AGAP3: variants seen among roughly 807,000 people sequenced by gnomAD.
The protein encoded by AGAP3 is ArfGAP with GTPase domain, ankyrin repeat and PH domain 3.
AGAP3 carries 24 observed loss-of-function variants against 96.9 expected under a neutral mutation model. That is an observed-to-expected ratio of 0.25 (90% CI 0.18 to 0.35). The LOEUF is 0.35. Among genes scored for constraint, AGAP3 ranks in the 10% least tolerant of loss-of-function variants. The pLI, the probability that AGAP3 is intolerant of heterozygous loss-of-function variation, is 1.00. For missense variants in AGAP3, 876 were observed against 1,254.2 expected, an observed-to-expected ratio of 0.70 and a Z score of 4.55; for synonymous variants, 563 against 536.1, an observed-to-expected ratio of 1.05 and a Z score of -0.69.
At chr7:151,119,940 C>CGG (rs1799791307) in intron 7 of AGAP3, 47 bp from the exon 8 acceptor site, 5 of 1,601,124 alleles carry the variant, frequency 3.1e-6, no homozygotes, top group Non-Finnish European at 4.3e-6. Flanking sequence ...TGGTGCCCGT[C>CGG]CCGCCCCTGA....
chr7:151,087,282 T>C, intron 1 of AGAP3: 1 of 603,206 alleles, frequency 1.7e-6, no homozygotes, highest in South Asian at 1.9e-5. Context: ...TTGGGGGTTT[T>C]CTGCTGACTG....
rs1021932096 is a variant in AGAP3, at chr7:151,126,035, G to C, written c.1221+2149G>C. 5.6e-5 allele frequency among the ~76,000 whole-genome samples: 7 copies of C among 125,710 alleles called. No individual in the cohort carries two copies. The South Asian group carries it at 1.5e-3, about 28-fold the overall frequency. 82.5% of individuals were successfully genotyped at this position (125,710 alleles called of 152,430 possible). Reference sequence around the variant, plus strand: ...GGGCTAGGCGGGTTTCCTCCTGTCCGCTTCCCGGGAGCGGGCGGGTGGGTG... The same window carrying C: ...GGGCTAGGCGGGTTTCCTCCTGTCCCCTTCCCGGGAGCGGGCGGGTGGGTG... On this transcript the variant is annotated intron_variant, in intron 9 of 17. Coordinates refer to ENST00000397238, the MANE Select transcript of AGAP3 (RefSeq NM_031946.7).
At chr7:151,123,413 C>T (rs1183598301) in intron 8 of AGAP3, 1 of 1,090,160 alleles carries the variant, frequency 9.2e-7, no homozygotes. Context: ...GGCCATCTGC[C>T]CGCTCACTTG....
At chr7:151,113,549 A>C (rs1487425717) in intron 1 of AGAP3, among the ~76,000 whole-genome samples, 1 of 152,190 alleles carries the variant, frequency 6.6e-6, no homozygotes, top group Non-Finnish European at 1.5e-5. Context: ...TAAAGCTGAA[A>C]GGGACGCTGG....
chr7:151,092,130 G>A lies in AGAP3; in HGVS notation c.331+5058G>A, dbSNP rs189922044. On this transcript the variant is annotated intron_variant, in intron 1 of 17. Coordinates refer to ENST00000397238, the MANE Select transcript of AGAP3 (RefSeq NM_031946.7). ...GTGCGTCATTCTGCGAAAGATGGGCGTCACAAGCGTTTAAGCCTTTGAGAA... is the reference window on the plus strand; with the variant it reads ...GTGCGTCATTCTGCGAAAGATGGGCATCACAAGCGTTTAAGCCTTTGAGAA... Among the ~76,000 whole-genome samples, 5 of 152,282 alleles carry A rather than the reference G, an allele frequency of 3.3e-5. No individual in the cohort carries two copies. In the East Asian group the frequency reaches 5.8e-4, roughly 18 times the overall value.
rs1401023993 is a variant in AGAP3, at chr7:151,143,288, C to T, written c.2274-53C>T. 14 of 1,554,144 alleles carry T rather than the reference C, an allele frequency of 9.0e-6. No individual in the cohort carries two copies. The highest frequency in any genetic ancestry group is 6.8e-5 in the East Asian group (3 of 44,242). On this transcript the variant is annotated intron_variant, in intron 16 of 17. Transcript: ENST00000397238. This position sits in a 1 kb window ranked among gnomAD's most constrained non-coding sequence, Gnocchi z 5.9. ...TTCCTGCCCACCTTCCTGGCCCCAC[C>T]CGTTGCTCGGTGACCTTCCTTGGCT... is the stretch of plus-strand genomic sequence containing the variant.
intron 1 of AGAP3, among the ~76,000 whole-genome samples, chr7:151,112,765 A>AT (rs1306515722): frequency 6.6e-6 from 1 of 151,714 alleles, no homozygotes; most frequent in African/African-American, 2.4e-5. Flanking sequence ...TGCCTGGCTA[A>AT]TTTTTCATAT....
rs2150470049 is a variant in AGAP3 at position 151,117,710 on chromosome 7, C to T, written c.639C>T (p.Asn213=). ...EDEISFQTVY[N]YFLRLCSFRN... is the part of the protein sequence containing the mutation. Reference sequence around the variant, plus strand: ...AAATCAGTTTCCAGACGGTGTACAACTACTTCCTGCGTCTCTGCAGCTTCC... The same window carrying T: ...AAATCAGTTTCCAGACGGTGTACAATTACTTCCTGCGTCTCTGCAGCTTCC... The change falls in exon 5 of 18, where the codon AAC becomes AAT. Residue 213 remains asparagine (N), a synonymous_variant. Transcript: ENST00000397238. 6.2e-7 allele frequency: 1 copy of T among 1,614,232 alleles called. No individual in the cohort carries two copies. Among genetic ancestry groups the T allele is most frequent in the Non-Finnish European group, 8.5e-7 (1 of 1,180,020 alleles).
intron 2 of AGAP3, 99 bp downstream of exon 2, chr7:151,116,950 C>G: frequency 6.5e-7 from 1 of 1,540,908 alleles, no homozygotes; most frequent in Admixed American, 1.7e-5. Flanking sequence ...CTGTCCCCTT[C>G]TCTGCTCAGC....
chr7:151,115,098 C>G (rs2150456784), intron 1 of AGAP3: 2 of 1,028,358 alleles, frequency 1.9e-6, no homozygotes, highest in Admixed American at 5.8e-5. Context: ...CGCGCCGACC[C>G]GGCGCAGCCG....
intron 9 of AGAP3, among the ~76,000 whole-genome samples, chr7:151,124,885 G>A (rs902383003): frequency 1.3e-5 from 2 of 152,216 alleles, no homozygotes; most frequent in Admixed American, 6.5e-5. Context: ...GCCGTGATCC[G>A]TATTGTTTCC....
chr7:151,136,808 G>C (rs147743504), intron 11 of AGAP3, among the ~76,000 whole-genome samples: 275 of 152,262 alleles, frequency 1.8e-3, no homozygotes, highest in African/African-American at 6.2e-3. Context: ...TGAAAGCAGG[G>C]GTGAGGAGAA....
chr7:151,100,942 A>T (rs1326394804), intron 1 of AGAP3, among the ~76,000 whole-genome samples: 5 of 152,184 alleles, frequency 3.3e-5, no homozygotes, highest in South Asian at 4.1e-4. Context: ...CTCTCCCTGC[A>T]GCCCTGGCCT....
intron 8 of AGAP3, among the ~76,000 whole-genome samples, chr7:151,122,408 C>T (rs1334799868): frequency 3.9e-5 from 6 of 152,174 alleles, no homozygotes; most frequent in African/African-American, 7.2e-5. Flanking sequence ...CCTGGGAGAA[C>T]GGGAGGGATG....
intron 1 of AGAP3, among the ~76,000 whole-genome samples, chr7:151,102,598 CA>C (rs35708283): frequency 0.13 from 15,711 of 123,088 alleles, 1,696 homozygotes; most frequent in African/African-American, 0.32. Context: ...CTCGTCTCTA[CA>C]AAAAAAAAAA....
chr7:151,099,947 G>A (rs1798770567), intron 1 of AGAP3, among the ~76,000 whole-genome samples: 1 of 152,202 alleles, frequency 6.6e-6, no homozygotes, highest in African/African-American at 2.4e-5. Context: ...CCCACTTCCT[G>A]GCTGAGAAAC....
At chr7:151,124,579 G>T (rs998799937) in intron 9 of AGAP3, among the ~76,000 whole-genome samples, 1 of 152,204 alleles carries the variant, frequency 6.6e-6, no homozygotes, top group South Asian at 2.1e-4. Context: ...AATTTTTTGG[G>T]ATCTGGTGGT....
chr7:151,092,984 A>G (rs942382076), intron 1 of AGAP3, among the ~76,000 whole-genome samples: 3 of 152,140 alleles, frequency 2.0e-5, no homozygotes, highest in Non-Finnish European at 4.4e-5. Flanking sequence ...GCTCCCCACT[A>G]TAATTTTCTT....
intron 12 of AGAP3, among the ~76,000 whole-genome samples, chr7:151,138,521 T>C (rs1800692767): frequency 6.6e-6 from 1 of 152,220 alleles, no homozygotes; most frequent in South Asian, 2.1e-4. Context: ...GTAGGGGCAC[T>C]GTCCCTTCTC....
Sources: gnomAD v4.1 joint callset for allele counts (sites outside exome capture counted in the v4.1 genomes callset) on GRCh38, gnomAD v4.1.1 for gene constraint, Gnocchi (gnomAD v3.1) non-coding constraint, MANE v1.5 for transcripts, NCBI Gene and HGNC (gene_info 2026-07-23, HGNC 2026-07-21) for gene names.